The following ATRNL1 variants were observed in gnomAD, a reference collection of about 807,000 sequenced individuals.
ATRNL1 encodes attractin-like protein 1.
A neutral mutation model predicts 182.7 loss-of-function variants in ATRNL1; 95 were observed. The ratio of observed to expected loss-of-function variants is 0.52; its 90% CI spans 0.44 to 0.62. The LOEUF (loss-of-function observed/expected upper bound fraction) is 0.62, where lower values mean the gene tolerates loss of function less well. Ranked by LOEUF, ATRNL1 falls within the 20% of genes least tolerant of loss-of-function variation. The probability of loss-of-function intolerance (pLI) is 0.00; values close to 1 mark genes in which losing one functional copy is unlikely to be tolerated. For synonymous variants in ATRNL1, 576 were observed against 568.3 expected (o/e 1.01, Z -0.19); for missense variants, 1,471 against 1,679.5 (o/e 0.88, Z 2.17).
At chr10:115,395,714 A>G (rs887778648) in intron 20 of ATRNL1, among the ~76,000 whole-genome samples, 1 of 151,578 alleles carries the variant, frequency 6.6e-6, no homozygotes, top group African/African-American at 2.4e-5. Flanking sequence ...CTGTACTTTC[A>G]TGAATGATTT....
At chr10:115,533,259 G>A (rs1851717272) in intron 25 of ATRNL1, among the ~76,000 whole-genome samples, 1 of 151,804 alleles carries the variant, frequency 6.6e-6, no homozygotes, top group Non-Finnish European at 1.5e-5. Flanking sequence ...GTAAGCTATT[G>A]ATTATTGCCA....
chr10:115,287,608 G>A (rs1032084230), intron 15 of ATRNL1, among the ~76,000 whole-genome samples: 19 of 151,926 alleles, frequency 1.3e-4, no homozygotes, highest in African/African-American at 3.9e-4. Context: ...TATTTATGGG[G>A]TACATAGTGC....
intron 28 of ATRNL1, among the ~76,000 whole-genome samples, chr10:115,854,394 A>G (rs1483063450): frequency 1.3e-5 from 2 of 152,150 alleles, no homozygotes; most frequent in Non-Finnish European, 2.9e-5. Context: ...GAATTCACTT[A>G]GTGGCGATGG....
chr10:115,676,658 T>C (rs899915959), intron 26 of ATRNL1, among the ~76,000 whole-genome samples: 56 of 151,918 alleles, frequency 3.7e-4, no homozygotes, highest in African/African-American at 1.3e-3. Flanking sequence ...ACATCTAATG[T>C]CTAATTTATG....
chr10:115,597,573 T>A, intron 26 of ATRNL1: 1 of 292,568 alleles, frequency 3.4e-6, no homozygotes, highest in African/African-American at 2.3e-5. Flanking sequence ...GGGAGCTTTT[T>A]TTTTTTTTTT....
At chr10:115,281,545 GA>G in intron 14 of ATRNL1, 58 bp downstream of exon 14, 2 of 1,516,940 alleles carry the variant, frequency 1.3e-6, no homozygotes, top group Non-Finnish European at 1.8e-6. Flanking sequence ...TACTGACATA[GA>G]AAAGTACATT....
At chr10:115,889,018 C>G (rs1265437079) in intron 28 of ATRNL1, among the ~76,000 whole-genome samples, 1 of 152,220 alleles carries the variant, frequency 6.6e-6, no homozygotes, top group Non-Finnish European at 1.5e-5. Flanking sequence ...AACTAGTCAT[C>G]TCTACCAAGC....
intron 9 of ATRNL1, among the ~76,000 whole-genome samples, chr10:115,228,902 A>G (rs1592290366): frequency 1.3e-5 from 2 of 151,164 alleles, no homozygotes; most frequent in African/African-American, 4.9e-5. Flanking sequence ...AGTAGCTGGG[A>G]TTACAGGCAC....
chr10:115,203,577 CTTT>C (rs34988501), intron 8 of ATRNL1, among the ~76,000 whole-genome samples: 55 of 122,384 alleles, frequency 4.5e-4, no homozygotes, highest in African/African-American at 1.5e-3. Context: ...ATTGGGCCAC[CTTT>C]TTTTTTTTTT....
chr10:115,675,646 A>G (rs1373887103), intron 26 of ATRNL1, among the ~76,000 whole-genome samples: 1 of 152,038 alleles, frequency 6.6e-6, no homozygotes, highest in Non-Finnish European at 1.5e-5. Context: ...TACAGCAAAT[A>G]AGAACGGAAA....
rs1306676515 is a variant in ATRNL1, at chr10:115,946,322, T to C, written c.*1543T>C. The C allele has an allele frequency of 2.0e-5, 3 of 152,204 alleles. No homozygotes were observed. The highest frequency in any genetic ancestry group is 7.2e-5 in the African/African-American group (3 of 41,456). The allele number at this position is 152,204 out of a possible 1,614,324, so 9.4% of individuals were successfully genotyped here. ...GTAGCAGACTATGACCCTATTGTGATATTAAGTGTTTATTTCATAATGCCA... is the reference window on the plus strand; with the variant it reads ...GTAGCAGACTATGACCCTATTGTGACATTAAGTGTTTATTTCATAATGCCA... On this transcript the variant is annotated 3_prime_UTR_variant, in exon 29 of 29. Transcript: ENST00000355044.
At chr10:115,700,283 G>T (rs187077787) in intron 26 of ATRNL1, among the ~76,000 whole-genome samples, 1 of 152,194 alleles carries the variant, frequency 6.6e-6, no homozygotes, top group Non-Finnish European at 1.5e-5. Flanking sequence ...CACAGTGGCT[G>T]AGCTAATTTA....
intron 1 of ATRNL1, 61 bp from the exon 2 acceptor site, chr10:115,120,124 T>G: frequency 1.0e-6 from 1 of 972,620 alleles, no homozygotes. Context: ...TTTCTTATCC[T>G]GCTATATGTC....
chr10:115,096,871 A>G, intron 1 of ATRNL1: 6 of 1,054,786 alleles, frequency 5.7e-6, no homozygotes, highest in Non-Finnish European at 5.9e-6. Flanking sequence ...TTTTTCACCC[A>G]AAGCTAGACT....
chr10:115,415,595 C>A (rs542065275), intron 20 of ATRNL1, among the ~76,000 whole-genome samples: 1 of 151,286 alleles, frequency 6.6e-6, no homozygotes, highest in African/African-American at 2.4e-5. Context: ...GGTTAGGAAG[C>A]CTTTTATTTT....
At chr10:115,571,996 A>G (rs1854421690) in intron 26 of ATRNL1, among the ~76,000 whole-genome samples, 1 of 152,106 alleles carries the variant, frequency 6.6e-6, no homozygotes, top group Non-Finnish European at 1.5e-5. Context: ...TGATGTTTAT[A>G]TGAAATGTGA....
Position 115,581,834 on chromosome 10 carries a change from A to G in ATRNL1, c.3795+32298A>G, listed in dbSNP as rs573832118. 4.5e-3 allele frequency among the ~76,000 whole-genome samples: 674 copies of G among 150,834 alleles called. 3 individuals carry two copies. The highest frequency in any genetic ancestry group is 6.9e-3 in the Non-Finnish European group (470 of 67,658). On this transcript the variant is annotated intron_variant, in intron 26 of 28. Coordinates refer to ENST00000355044, the MANE Select transcript of ATRNL1 (RefSeq NM_207303.4). Reference sequence around the variant, plus strand: ...ATGTATACATGTGCCATGCTGGTGCACTGCACCCACTAACTCGTCATCTAG... The same window carrying G: ...ATGTATACATGTGCCATGCTGGTGCGCTGCACCCACTAACTCGTCATCTAG...
intron 28 of ATRNL1, among the ~76,000 whole-genome samples, chr10:115,887,750 A>G (rs996165638): frequency 1.2e-4 from 18 of 151,498 alleles, no homozygotes; most frequent in Admixed American, 9.9e-4. Context: ...CATGCAAACC[A>G]GAAACCTTCC....
intron 19 of ATRNL1, among the ~76,000 whole-genome samples, chr10:115,387,902 T>C (rs751950134): frequency 1.3e-5 from 2 of 152,210 alleles, no homozygotes; most frequent in African/African-American, 4.8e-5. Flanking sequence ...CTACTACTTA[T>C]GTTATGATAT....
Sources: allele counts gnomAD v4.1 joint callset (sites outside exome capture counted in the v4.1 genomes callset), GRCh38; gene constraint gnomAD v4.1.1; transcripts MANE v1.5; gene names NCBI Gene and HGNC (gene_info 2026-07-23, HGNC 2026-07-21).